Variants in DDX46 observed in about 807,000 individuals in gnomAD.
DDX46 encodes the protein DEAD-box helicase 46, also known as probable ATP-dependent RNA helicase DDX46.
Under a neutral mutation model 134.9 loss-of-function variants are expected in DDX46, and 30 were observed. That is an observed-to-expected ratio of 0.22 (90% CI 0.17 to 0.30). The LOEUF is 0.30. Ranked by LOEUF, DDX46 falls within the 10% of genes least tolerant of loss-of-function variation. The pLI, the probability that DDX46 is intolerant of heterozygous loss-of-function variation, is 1.00. For missense variants in DDX46, 622 were observed against 1,248.7 expected (o/e 0.50, Z 7.56); for synonymous variants, 415 against 404.1 (o/e 1.03, Z -0.32).
rs150361651 is a variant in DDX46, at chr5:134,799,271, C to A, written c.1954+3121C>A. Among the ~76,000 whole-genome samples the A allele has an allele frequency of 4.9e-3, 734 of 151,234 alleles. 2 individuals are homozygous for A. The highest frequency in any genetic ancestry group is 7.9e-3 in the Non-Finnish European group (538 of 67,866). On this transcript the variant is annotated intron_variant, in intron 15 of 22. Transcript: ENST00000452510. ...AATAGGAGATCAGGTTATCACATTT[C>A]ATGTCAATGTGCATATCATTAACAC...
intron 15 of DDX46, among the ~76,000 whole-genome samples, chr5:134,803,837 C>G (rs1178581837): frequency 6.7e-6 from 1 of 149,458 alleles, no homozygotes; most frequent in African/African-American, 2.5e-5. Flanking sequence ...CTCCTTTTAT[C>G]TTTTTGGCCA....
chr5:134,766,874 C>T, intron 2 of DDX46, 43 bp from the exon 3 acceptor site: 2 of 1,579,092 alleles, frequency 1.3e-6, no homozygotes, highest in Non-Finnish European at 8.6e-7. Context: ...GAAATAGTAG[C>T]TCCATTTGGT....
chr5:134,785,405 C>T, intron 10 of DDX46, 60 bp from the exon 11 acceptor site: 1 of 1,566,174 alleles, frequency 6.4e-7, no homozygotes, highest in Non-Finnish European at 8.6e-7. Context: ...AAATTGAACA[C>T]TATAAAGCAC....
rs79729706 is a variant in DDX46 at position 134,822,193 on chromosome 5, C to T, written c.2977+3189C>T. Among the ~76,000 whole-genome samples the T allele has an allele frequency of 7.4e-3, 1,122 of 151,898 alleles. 12 individuals carry two copies. The highest frequency in any genetic ancestry group is 0.026 in the African/African-American group (1,065 of 41,430). On this transcript the variant is annotated intron_variant, in intron 21 of 22. Transcript: ENST00000452510. ...CGTGCCCAGCCAGGTATTTTCTTAG[C>T]GGTTACTCAGTGGATTGCAATTAAT...
At chr5:134,794,701 G>A (rs1754599125) in intron 13 of DDX46, 149 bp from the exon 14 acceptor site, 1 of 907,310 alleles carries the variant, frequency 1.1e-6, no homozygotes, top group African/African-American at 1.7e-5. Context: ...AAGCATGTGT[G>A]GAGTTGTCAT....
chr5:134,806,551 C>T (rs1418515951), intron 15 of DDX46, among the ~76,000 whole-genome samples: 2 of 152,098 alleles, frequency 1.3e-5, no homozygotes, highest in African/African-American at 4.8e-5. Flanking sequence ...ATATTGATTT[C>T]ATTAAATTTT....
intron 19 of DDX46, 191 bp downstream of exon 19, chr5:134,816,797 TG>T: frequency 1.7e-6 from 1 of 584,724 alleles, no homozygotes; most frequent in Non-Finnish European, 2.9e-6. Context: ...CTGAGGACTT[TG>T]GGCCTATTCT....
chr5:134,798,146 C>G (rs1325007038), intron 15 of DDX46, among the ~76,000 whole-genome samples: 2 of 150,390 alleles, frequency 1.3e-5, no homozygotes, highest in Non-Finnish European at 3.0e-5. Context: ...TAAATACTCA[C>G]TATATAAAAT....
chr5:134,769,951 A>G (rs911109768), intron 3 of DDX46, among the ~76,000 whole-genome samples: 1 of 152,186 alleles, frequency 6.6e-6, no homozygotes, highest in Admixed American at 6.6e-5. Context: ...ATGAGCCACC[A>G]TGCCCAGCCT....
intron 21 of DDX46, among the ~76,000 whole-genome samples, chr5:134,820,728 C>T (rs1233409850): frequency 6.6e-6 from 1 of 152,220 alleles, no homozygotes; most frequent in Admixed American, 6.5e-5. Flanking sequence ...GTTCAGTCCT[C>T]AGTACCTTCG....
intron 21 of DDX46, among the ~76,000 whole-genome samples, chr5:134,824,965 G>A (rs1755551724): frequency 6.6e-6 from 1 of 152,148 alleles, no homozygotes; most frequent in East Asian, 1.9e-4. Flanking sequence ...TTTTACTAGT[G>A]GAGAATCCCT....
At chr5:134,791,787 A>T (rs1330943014) in intron 13 of DDX46, among the ~76,000 whole-genome samples, 1 of 152,200 alleles carries the variant, frequency 6.6e-6, no homozygotes, top group Non-Finnish European at 1.5e-5. Flanking sequence ...TTGTATTTAG[A>T]TTTAGGGACT....
chr5:134,789,492 G>T (rs1165055656), intron 12 of DDX46, among the ~76,000 whole-genome samples: 1 of 152,022 alleles, frequency 6.6e-6, no homozygotes, highest in Non-Finnish European at 1.5e-5. Flanking sequence ...AATTCTAATT[G>T]TACATGAAGT....
intron 3 of DDX46, among the ~76,000 whole-genome samples, chr5:134,768,785 G>T (rs11955567): frequency 6.6e-6 from 1 of 152,146 alleles, no homozygotes; most frequent in African/African-American, 2.4e-5. Context: ...AGAAGTCTGG[G>T]TGAAGTGGCT....
rs951347343 is a variant in DDX46, at chr5:134,763,117, G to A, written c.18-787G>A. On this transcript the variant is annotated intron_variant, in intron 1 of 22. Coordinates refer to ENST00000452510, the MANE Select transcript of DDX46 (RefSeq NM_001300860.2). Reference sequence around the variant, plus strand: ...TGTGGTGACGCATGCCTGAAGTTCCGGCTTCTTGGGAGGCTGAAGTGGGAG... The same window carrying A: ...TGTGGTGACGCATGCCTGAAGTTCCAGCTTCTTGGGAGGCTGAAGTGGGAG... 3.9e-5 allele frequency among the ~76,000 whole-genome samples: 6 copies of A among 151,946 alleles called. No individual in the cohort carries two copies. In the South Asian group the frequency reaches 8.3e-4, roughly 21 times the overall value.
At chr5:134,759,585 TTAGATTGTTGA>T (rs2150125942) in intron 1 of DDX46, among the ~76,000 whole-genome samples, 1 of 152,304 alleles carries the variant, frequency 6.6e-6, no homozygotes, top group East Asian at 1.9e-4. Context: ...CATCACAACT[TTAGATTGTTGA>T]TAGATTGTTA....
At chr5:134,812,935 G>A (rs553198066) in intron 18 of DDX46, among the ~76,000 whole-genome samples, 1 of 151,886 alleles carries the variant, frequency 6.6e-6, no homozygotes, top group East Asian at 1.9e-4. Flanking sequence ...ACTGTGCCTG[G>A]CCAATAAAGT....
At chr5:134,762,920 G>A (rs1207819240) in intron 1 of DDX46, among the ~76,000 whole-genome samples, 5 of 151,928 alleles carry the variant, frequency 3.3e-5, no homozygotes, top group East Asian at 1.9e-4. Context: ...TTAGCCTGGC[G>A]TAATGGCGGA....
intron 18 of DDX46, among the ~76,000 whole-genome samples, chr5:134,812,682 G>A (rs1289822979): frequency 6.6e-6 from 1 of 151,768 alleles, no homozygotes; most frequent in Non-Finnish European, 1.5e-5. Context: ...TGTCACCCAG[G>A]CCAGACTGCA....
Sources: gnomAD v4.1 joint callset for allele counts (sites outside exome capture counted in the v4.1 genomes callset) on GRCh38, gnomAD v4.1.1 for gene constraint, MANE v1.5 for transcripts, NCBI Gene and HGNC (gene_info 2026-07-23, HGNC 2026-07-21) for gene names.